Variants in MYRIP observed in about 807,000 individuals in gnomAD.
MYRIP encodes the protein myosin VIIA and Rab interacting protein.
In MYRIP, 49 loss-of-function variants were observed where a neutral mutation model predicts 98.0. The observed-to-expected ratio is 0.50, with a 90% CI of 0.40 to 0.63. MYRIP has a LOEUF of 0.63. MYRIP is among the 30% of genes least tolerant of loss of function. The pLI, the probability that MYRIP is intolerant of heterozygous loss-of-function variation, is 0.00. For missense variants in MYRIP, 1,004 were observed against 1,058.2 expected (o/e 0.95, Z 0.71); for synonymous variants, 404 against 409.5 (o/e 0.99, Z 0.16).
At chr3:40,152,483 G>T (rs1360864143) in intron 4 of MYRIP, among the ~76,000 whole-genome samples, 2 of 152,182 alleles carry the variant, frequency 1.3e-5, no homozygotes, top group Non-Finnish European at 2.9e-5. Context: ...TTCTCTCTAA[G>T]TCTCCACAAG....
At chr3:40,207,424 G>A (rs1475729326) in intron 10 of MYRIP, among the ~76,000 whole-genome samples, 1 of 152,008 alleles carries the variant, frequency 6.6e-6, no homozygotes, top group Non-Finnish European at 1.5e-5. Flanking sequence ...CTTCACATGA[G>A]TCCCTCATCA....
At chr3:40,190,797 C>T (rs1173181184) in intron 10 of MYRIP, among the ~76,000 whole-genome samples, 1 of 152,172 alleles carries the variant, frequency 6.6e-6, no homozygotes, top group Admixed American at 6.5e-5. Context: ...TTAACAAGCC[C>T]TCCTGGTGAT....
At chr3:39,997,274 G>T (rs1448294499) in intron 2 of MYRIP, among the ~76,000 whole-genome samples, 9 of 151,908 alleles carry the variant, frequency 5.9e-5, no homozygotes, top group African/African-American at 1.9e-4. Flanking sequence ...CAACAAAATT[G>T]ATAGACCCCT....
chr3:40,010,695 A>G (rs1312831166), intron 2 of MYRIP, among the ~76,000 whole-genome samples: 1 of 152,118 alleles, frequency 6.6e-6, no homozygotes, highest in Non-Finnish European at 1.5e-5. Context: ...TTCAGCCAGT[A>G]TGGTTGCTCT....
rs920971500 is a variant in MYRIP, at chr3:40,149,325, A to G, written c.333-1723A>G. Among the ~76,000 whole-genome samples the G allele has an allele frequency of 1.4e-4, 21 of 152,210 alleles. 1 individual carries two copies. The highest frequency in any genetic ancestry group is 2.2e-4 in the Non-Finnish European group (15 of 68,044). On this transcript the variant is annotated intron_variant, in intron 3 of 16. Coordinates refer to ENST00000302541, the MANE Select transcript of MYRIP (RefSeq NM_015460.4). ...GAGTGAACTAATAGAGTGAGAACTC[A>G]TTACCACAGGAAGGACACCAAGCCA...
chr3:39,865,299 A>C (rs996511775), intron 1 of MYRIP, among the ~76,000 whole-genome samples: 2 of 152,218 alleles, frequency 1.3e-5, no homozygotes, highest in African/African-American at 4.8e-5. Context: ...AAAAATTGAC[A>C]AATGGGACCT....
At chr3:39,944,849 G>C (rs1944863001) in intron 2 of MYRIP, among the ~76,000 whole-genome samples, 1 of 151,798 alleles carries the variant, frequency 6.6e-6, no homozygotes, top group Non-Finnish European at 1.5e-5. Flanking sequence ...TTCTAAGTAG[G>C]GTACCAAGAG....
At chr3:39,966,680 G>T (rs1312028484) in intron 2 of MYRIP, among the ~76,000 whole-genome samples, 3 of 152,164 alleles carry the variant, frequency 2.0e-5, no homozygotes, top group Non-Finnish European at 4.4e-5. Context: ...TAAAGAGAAT[G>T]CCGAGGACGG....
At chr3:39,942,792 C>T (rs1012318085) in intron 2 of MYRIP, among the ~76,000 whole-genome samples, 20 of 151,990 alleles carry the variant, frequency 1.3e-4, no homozygotes, top group African/African-American at 4.8e-4. Context: ...CATTAATCAA[C>T]CTCTCTTCAT....
At chr3:39,888,909 C>G (rs1376497643) in intron 1 of MYRIP, among the ~76,000 whole-genome samples, 1 of 152,056 alleles carries the variant, frequency 6.6e-6, no homozygotes, top group Non-Finnish European at 1.5e-5. Context: ...ATTTATGCAG[C>G]CAAAAAACAC....
At chr3:39,901,157 A>G (rs1341813329) in intron 2 of MYRIP, among the ~76,000 whole-genome samples, 1 of 152,222 alleles carries the variant, frequency 6.6e-6, no homozygotes, top group Non-Finnish European at 1.5e-5. Flanking sequence ...CCTGTATGTC[A>G]TTACTAGCTA....
intron 12 of MYRIP, among the ~76,000 whole-genome samples, chr3:40,240,421 G>A (rs914346841): frequency 4.6e-5 from 7 of 152,216 alleles, no homozygotes; most frequent in Non-Finnish European, 8.8e-5. Context: ...GTGGGCGCAG[G>A]TCAGTGGGTG....
At chr3:39,854,883 A>C (rs917296590) in intron 1 of MYRIP, among the ~76,000 whole-genome samples, 1 of 151,850 alleles carries the variant, frequency 6.6e-6, no homozygotes. Flanking sequence ...GTTTCCTGAG[A>C]CCTTGACTGC....
chr3:39,822,466 C>G (rs1365763952), intron 1 of MYRIP, among the ~76,000 whole-genome samples: 1 of 150,796 alleles, frequency 6.6e-6, no homozygotes, highest in Admixed American at 6.6e-5. Context: ...TTTTTTTTTG[C>G]GATTTTTTTT....
chr3:40,128,066 C>A (rs1466719370), intron 3 of MYRIP, among the ~76,000 whole-genome samples: 2 of 152,156 alleles, frequency 1.3e-5, no homozygotes, highest in Non-Finnish European at 2.9e-5. Flanking sequence ...TCAGTGGTTG[C>A]TGAATCTTCT....
intron 2 of MYRIP, among the ~76,000 whole-genome samples, chr3:40,034,400 C>T (rs1458636007): frequency 1.3e-5 from 2 of 151,900 alleles, no homozygotes; most frequent in African/African-American, 4.8e-5. Context: ...ACCCCATCAA[C>T]AAGTGGGCGA....
chr3:39,926,966 A>T (rs1435988804), intron 2 of MYRIP, among the ~76,000 whole-genome samples: 1 of 151,920 alleles, frequency 6.6e-6, no homozygotes, highest in Non-Finnish European at 1.5e-5. Context: ...ATGAACATGG[A>T]ATGTTTTTTG....
chr3:40,036,683 C>G (rs1052031099), intron 2 of MYRIP, among the ~76,000 whole-genome samples: 3 of 152,074 alleles, frequency 2.0e-5, no homozygotes, highest in Admixed American at 1.3e-4. Context: ...GCACGAGATG[C>G]TGGAGAAGCA....
intron 3 of MYRIP, among the ~76,000 whole-genome samples, chr3:40,044,773 C>G (rs1240864102): frequency 6.6e-6 from 1 of 152,156 alleles, no homozygotes. Context: ...CAAGGAGAGA[C>G]TGGCCCTAGG....
Sources: allele counts gnomAD v4.1 joint callset (sites outside exome capture counted in the v4.1 genomes callset), GRCh38; gene constraint gnomAD v4.1.1; transcripts MANE v1.5; gene names NCBI Gene and HGNC (gene_info 2026-07-23, HGNC 2026-07-21).